Variants in GTF2F2 observed in about 807,000 individuals in gnomAD.
GTF2F2 encodes ATP-dependent helicase GTF2F2.
Under a neutral mutation model 42.2 loss-of-function variants are expected in GTF2F2, and 23 were observed. The observed-to-expected ratio is 0.55, with a 90% CI of 0.39 to 0.77. The LOEUF is 0.77. Ranked by LOEUF, GTF2F2 falls within the 30% of genes least tolerant of loss-of-function variation. The pLI, the probability that GTF2F2 is intolerant of heterozygous loss-of-function variation, is 0.00. For missense variants in GTF2F2, 261 were observed against 287.2 expected (o/e 0.91, Z 0.66); for synonymous variants, 105 against 100.8 (o/e 1.04, Z -0.25).
In GTF2F2 at chr13:45,127,718, C is replaced by T. The variant is rs546417767; in HGVS notation, c.66+6997C>T. On this transcript the variant is annotated intron_variant, in intron 1 of 7. Coordinates refer to ENST00000340473, the MANE Select transcript of GTF2F2 (RefSeq NM_004128.3). ...CACGATCTTGGCTCACTACAACCTC[C>T]GCCTCCTGGGTTCAAGTGATTCTCC... Among the ~76,000 whole-genome samples, 10 of 151,810 alleles carry T rather than the reference C, an allele frequency of 6.6e-5. No homozygotes were observed. The South Asian group carries it at 8.3e-4, about 13-fold the overall frequency.
In GTF2F2 at chr13:45,267,262, C is replaced by T. The variant is rs201450179; in HGVS notation, c.516C>T (p.Asp172=). Residue 172 remains aspartate, a synonymous_variant, in exon 7 of 8, where the codon GAC becomes GAT. Coordinates refer to ENST00000340473, the MANE Select transcript of GTF2F2 (RefSeq NM_004128.3). ...NIEYERKKKE[D]GKRARADKQH... ...AATATGAAAGGAAAAAGAAAGAAGA[C>T]GGAAAGCGAGCTCGAGCTGATAAAC... is the stretch of plus-strand genomic sequence containing the variant. The T allele has an allele frequency of 8.1e-5, 130 of 1,612,500 alleles. 1 individual carries two copies. Among genetic ancestry groups the T allele is most frequent in the South Asian group, 1.5e-4 (14 of 90,960 alleles).
intron 5 of GTF2F2, among the ~76,000 whole-genome samples, chr13:45,249,106 A>G (rs1023984089): frequency 2.0e-5 from 3 of 152,200 alleles, no homozygotes; most frequent in African/African-American, 7.2e-5. Context: ...AATTTAGTAC[A>G]TTGTTCAGTG....
intron 2 of GTF2F2, among the ~76,000 whole-genome samples, chr13:45,143,874 A>G (rs999513963): frequency 6.6e-6 from 1 of 152,142 alleles, no homozygotes; most frequent in Non-Finnish European, 1.5e-5. Context: ...TTATCAAGCA[A>G]TTTATATGAT....
intron 4 of GTF2F2, among the ~76,000 whole-genome samples, chr13:45,181,265 CTCT>C (rs936461254): frequency 2.5e-4 from 38 of 151,176 alleles, no homozygotes; most frequent in Admixed American, 1.1e-3. Flanking sequence ...ATACCTCCCT[CTCT>C]TCTTCTTCTT....
intron 5 of GTF2F2, among the ~76,000 whole-genome samples, chr13:45,226,757 A>T (rs1173630044): frequency 6.6e-6 from 1 of 152,208 alleles, no homozygotes; most frequent in African/African-American, 2.4e-5. Context: ...TCAAAAACAC[A>T]GCTGTCTATT....
At chr13:45,150,306 AG>A (rs1428082420) in intron 3 of GTF2F2, among the ~76,000 whole-genome samples, 1 of 152,208 alleles carries the variant, frequency 6.6e-6, no homozygotes, top group African/African-American at 2.4e-5. Context: ...AAGAACACCT[AG>A]TATGTATTTT....
chr13:45,158,181 G>A (rs994211661), intron 4 of GTF2F2, among the ~76,000 whole-genome samples: 2 of 152,198 alleles, frequency 1.3e-5, no homozygotes, highest in Non-Finnish European at 2.9e-5. Context: ...GAGGGACCTG[G>A]TGGGAGATAA....
chr13:45,194,766 C>A, intron 4 of GTF2F2: 1 of 572,718 alleles, frequency 1.7e-6, no homozygotes, highest in Non-Finnish European at 3.1e-6. Flanking sequence ...TGGAGTAAGA[C>A]GGAAAAGAGA....
In GTF2F2 at chr13:45,191,220, AAAAAATAT is replaced by A. The variant is rs1318321548; in HGVS notation, c.305-16202_305-16195del. Among the ~76,000 whole-genome samples the A allele has an allele frequency of 9.3e-5, 7 of 75,210 alleles. 1 individual carries two copies. Among genetic ancestry groups the A allele is most frequent in the African/African-American group, 7.9e-4 (6 of 7,602 alleles). 49.3% of individuals were successfully genotyped at this position (75,210 alleles called of 152,430 possible). A position where few individuals can be genotyped will look rare whatever the true frequency, so the allele number is the denominator to read the frequency against. On this transcript the variant is annotated intron_variant, in intron 4 of 7. Transcript: ENST00000340473. ...CCCCGTCTCTACTAAAAATACAAAA[AAAAAATAT>A]ATATATATATATATATATATATATA... is the stretch of plus-strand genomic sequence containing the variant.
At chr13:45,264,944 T>A (rs1235250460) in intron 6 of GTF2F2, among the ~76,000 whole-genome samples, 1 of 152,186 alleles carries the variant, frequency 6.6e-6, no homozygotes, top group Non-Finnish European at 1.5e-5. Context: ...ATACCATCAC[T>A]TCTCTGCTAT....
chr13:45,258,480 G>A (rs568867728), intron 6 of GTF2F2, among the ~76,000 whole-genome samples: 1 of 152,252 alleles, frequency 6.6e-6, no homozygotes, highest in Admixed American at 6.5e-5. Flanking sequence ...CAGACCTCTT[G>A]CCACCCCACC....
intron 4 of GTF2F2, among the ~76,000 whole-genome samples, chr13:45,186,465 G>A (rs996507444): frequency 1.3e-5 from 2 of 150,904 alleles, no homozygotes; most frequent in African/African-American, 4.9e-5. Flanking sequence ...CTAATTTTTT[G>A]TATTTTTAGT....
rs1250906299 is a variant in GTF2F2, at chr13:45,259,851, A to G, written c.486+6881A>G. On this transcript the variant is annotated intron_variant, in intron 6 of 7. Transcript: ENST00000340473. ...GTGATCCACCCATCTCGGCCTCCCA[A>G]AGTGTTGGGATTATAGGCGTGAGCC... Among the ~76,000 whole-genome samples, 8 of 151,976 alleles carry G rather than the reference A, an allele frequency of 5.3e-5. No individual in the cohort carries two copies. In the East Asian group the frequency reaches 1.2e-3, roughly 22 times the overall value.
chr13:45,206,249 T>G (rs1873407336), intron 4 of GTF2F2: 1 of 152,192 alleles, frequency 6.6e-6, no homozygotes, highest in Non-Finnish European at 1.5e-5. Flanking sequence ...CAGAGTCTCC[T>G]AGATTTTGGA....
At chr13:45,201,188 C>A (rs888808927) in intron 4 of GTF2F2, among the ~76,000 whole-genome samples, 1 of 152,126 alleles carries the variant, frequency 6.6e-6, no homozygotes, top group Non-Finnish European at 1.5e-5. Flanking sequence ...AAAAAAAGTG[C>A]CAGTATCATT....
chr13:45,254,921 C>G (rs1876036814), intron 6 of GTF2F2, among the ~76,000 whole-genome samples: 1 of 152,076 alleles, frequency 6.6e-6, no homozygotes, highest in Non-Finnish European at 1.5e-5. Flanking sequence ...AATCCCAGCA[C>G]TTTGGGAGGC....
intron 5 of GTF2F2, among the ~76,000 whole-genome samples, chr13:45,243,545 C>T (rs998888249): frequency 8.5e-5 from 13 of 152,120 alleles, no homozygotes; most frequent in African/African-American, 2.7e-4. Flanking sequence ...GTTGTGGGAC[C>T]GATATGTTAA....
At chr13:45,210,015 C>T (rs987487526) in intron 5 of GTF2F2, among the ~76,000 whole-genome samples, 1 of 152,200 alleles carries the variant, frequency 6.6e-6, no homozygotes, top group Non-Finnish European at 1.5e-5. Context: ...TGGATTACTG[C>T]AGTAGCCTCC....
At chr13:45,135,552 C>T (rs1354330014) in intron 1 of GTF2F2, among the ~76,000 whole-genome samples, 2 of 152,200 alleles carry the variant, frequency 1.3e-5, no homozygotes, top group Non-Finnish European at 2.9e-5. Context: ...GCCACCGCGC[C>T]CAGCCCTGTT....
Sources: gnomAD v4.1 joint callset for allele counts (sites outside exome capture counted in the v4.1 genomes callset) on GRCh38, gnomAD v4.1.1 for gene constraint, MANE v1.5 for transcripts, NCBI Gene and HGNC (gene_info 2026-07-23, HGNC 2026-07-21) for gene names.